Variants in ABCB1 observed in about 807,000 individuals in gnomAD.
ABCB1 encodes ATP binding cassette subfamily B member 1, also known as ATP-dependent translocase ABCB1.
ABCB1 carries 69 observed loss-of-function variants against 142.0 expected under a neutral mutation model. That is an observed-to-expected ratio of 0.49 (90% confidence interval 0.40 to 0.59). The LOEUF (loss-of-function observed/expected upper bound fraction) is 0.59, where lower values mean the gene tolerates loss of function less well. ABCB1 is among the 20% of genes least tolerant of loss of function. ABCB1 has a pLI of 0.00. For missense variants in ABCB1, 1,326 were observed against 1,554.7 expected, an observed-to-expected ratio of 0.85 and a Z score of 2.47; for synonymous variants, 532 against 539.2, an observed-to-expected ratio of 0.99 and a Z score of 0.18.
intron 7 of ABCB1, among the ~76,000 whole-genome samples, chr7:87,562,087 C>G (rs2129783247): frequency 6.6e-6 from 1 of 152,122 alleles, no homozygotes; most frequent in South Asian, 2.1e-4. Context: ...CACTTGTGGA[C>G]TCATTTATGT....
At chr7:87,694,084 T>C in intron 1 of ABCB1, 1 of 1,513,694 alleles carries the variant, frequency 6.6e-7, no homozygotes, top group Non-Finnish European at 8.7e-7. Context: ...TAAAGCCTTC[T>C]TTTTTGTGTG....
intron 1 of ABCB1, among the ~76,000 whole-genome samples, chr7:87,626,748 A>G (rs201982417): frequency 0.046 from 1,122 of 24,332 alleles, 136 homozygotes; most frequent in Admixed American, 0.051. Flanking sequence ...TGTCATATAT[A>G]TGTCATATAT....
chr7:87,530,107 TG>T (rs1424789337), intron 21 of ABCB1, among the ~76,000 whole-genome samples: 7 of 152,334 alleles, frequency 4.6e-5, no homozygotes, highest in African/African-American at 1.7e-4. Context: ...GACCAACATC[TG>T]GGGCCTTCTT....
intron 3 of ABCB1, among the ~76,000 whole-genome samples, chr7:87,589,305 A>G (rs1475731309): frequency 6.6e-6 from 1 of 152,238 alleles, no homozygotes; most frequent in Non-Finnish European, 1.5e-5. Flanking sequence ...TGAGAATACA[A>G]GAAACTTATT....
chr7:87,567,144 T>C (rs1817817291), intron 5 of ABCB1, among the ~76,000 whole-genome samples, 168 bp from the exon 6 acceptor site: 1 of 152,208 alleles, frequency 6.6e-6, no homozygotes, highest in Non-Finnish European at 1.5e-5. Flanking sequence ...CCAACTATGT[T>C]TGCACCAATA....
chr7:87,657,029 T>A (rs181774274), intron 1 of ABCB1, among the ~76,000 whole-genome samples: 10 of 152,298 alleles, frequency 6.6e-5, no homozygotes, highest in African/African-American at 2.4e-4. Context: ...GGAAGACTTG[T>A]ACCTCTGGGA....
At chr7:87,585,390 T>G (rs1318988661) in intron 4 of ABCB1, 122 bp downstream of exon 4, 4 of 935,264 alleles carry the variant, frequency 4.3e-6, no homozygotes, top group Non-Finnish European at 6.6e-6. Flanking sequence ...TAACTCAGAC[T>G]GTCTGCCTCC....
chr7:87,508,233 C>G (rs1352528029), intron 26 of ABCB1, among the ~76,000 whole-genome samples: 2 of 152,120 alleles, frequency 1.3e-5, no homozygotes, highest in Admixed American at 6.5e-5. Flanking sequence ...TTTTTGAGCA[C>G]CAACATGATG....
At chr7:87,694,010 A>G in intron 1 of ABCB1, 1 of 1,603,066 alleles carries the variant, frequency 6.2e-7, no homozygotes, top group Non-Finnish European at 8.5e-7. Context: ...GGAGCATGGA[A>G]TTGACTTTCG....
chr7:87,535,902 C>A (rs1816266037), intron 20 of ABCB1, among the ~76,000 whole-genome samples: 1 of 152,124 alleles, frequency 6.6e-6, no homozygotes, highest in South Asian at 2.1e-4. Context: ...AAAATCAAAA[C>A]CTGCTGGTTC....
chr7:87,622,855 A>C (rs1407990894), intron 1 of ABCB1, among the ~76,000 whole-genome samples: 7 of 152,052 alleles, frequency 4.6e-5, no homozygotes, highest in Non-Finnish European at 1.0e-4. Context: ...ACATAGTGAG[A>C]CCTTGTCTCA....
chr7:87,597,708 T>A (rs774200475), intron 2 of ABCB1, among the ~76,000 whole-genome samples: 160 of 152,252 alleles, frequency 1.1e-3, no homozygotes, highest in Non-Finnish European at 1.9e-3. Context: ...GTCTTTTTCA[T>A]GGTTTATATG....
chr7:87,563,377 A>G (rs1458861368), intron 7 of ABCB1: 1 of 455,618 alleles, frequency 2.2e-6, no homozygotes, highest in African/African-American at 2.0e-5. Flanking sequence ...ACTTTGGGCC[A>G]GTATCCTTGA....
At chr7:87,506,068 G>C in intron 26 of ABCB1, 25 bp from the exon 27 acceptor site, 1 of 1,610,844 alleles carries the variant, frequency 6.2e-7, no homozygotes. Context: ...TTGTTGTTAT[G>C]AAAGTAGAAC....
At chr7:87,691,208 T>C (rs1827986218) in intron 1 of ABCB1, among the ~76,000 whole-genome samples, 1 of 152,164 alleles carries the variant, frequency 6.6e-6, no homozygotes, top group Admixed American at 6.5e-5. Context: ...AGGGCTAATT[T>C]CAATATTAAT....
intron 1 of ABCB1, among the ~76,000 whole-genome samples, chr7:87,624,682 G>A (rs1481636643): frequency 6.6e-6 from 1 of 152,122 alleles, no homozygotes; most frequent in Admixed American, 6.5e-5. Flanking sequence ...AAAAAGTAAC[G>A]TGGACTCATG....
At chr7:87,691,011 G>A (rs369449073) in intron 1 of ABCB1, among the ~76,000 whole-genome samples, 5 of 152,092 alleles carry the variant, frequency 3.3e-5, no homozygotes, top group East Asian at 3.9e-4. Context: ...AAAATTCATC[G>A]ATTATATCAA....
intron 1 of ABCB1, among the ~76,000 whole-genome samples, chr7:87,631,823 C>T (rs1821254336): frequency 6.6e-6 from 1 of 152,148 alleles, no homozygotes; most frequent in Non-Finnish European, 1.5e-5. Context: ...ACAAGCCATG[C>T]AACCTTTCCA....
intron 1 of ABCB1, among the ~76,000 whole-genome samples, chr7:87,625,482 C>A (rs1288933051): frequency 2.0e-5 from 3 of 152,200 alleles, no homozygotes; most frequent in African/African-American, 7.2e-5. Flanking sequence ...CTCTCCCTCA[C>A]TCACGACACA....
Sources: gnomAD v4.1 joint callset for allele counts (sites outside exome capture counted in the v4.1 genomes callset) on GRCh38, gnomAD v4.1.1 for gene constraint, MANE v1.5 for transcripts, NCBI Gene and HGNC (gene_info 2026-07-23, HGNC 2026-07-21) for gene names.